Variants in SRGAP2 observed in about 807,000 individuals in gnomAD.
SRGAP2 encodes SLIT-ROBO Rho GTPase activating protein 2, also known as SLIT-ROBO Rho GTPase-activating protein 2.
In SRGAP2, 15 loss-of-function variants were observed where a neutral mutation model predicts 57.2. That is an observed-to-expected ratio of 0.26 (90% CI 0.18 to 0.40). The LOEUF (loss-of-function observed/expected upper bound fraction) is 0.40. Among genes scored for constraint, SRGAP2 ranks in the 10% least tolerant of loss-of-function variants. The pLI, the probability that SRGAP2 is intolerant of heterozygous loss-of-function variation, is 1.00. For synonymous variants in SRGAP2, 249 were observed against 248.0 expected (o/e 1.00, Z -0.04); for missense variants, 520 against 669.6 (o/e 0.78, Z 2.47).
At position 206,359,845 on chromosome 1, in the gene SRGAP2, C is replaced by T. The variant is rs1676761366; in HGVS notation, c.423+16837C>T. Among the ~76,000 whole-genome samples, 6 of 105,774 alleles carry T rather than the reference C, an allele frequency of 5.7e-5. No homozygotes were observed. In the South Asian group the frequency reaches 1.7e-3, roughly 30 times the overall value. The allele number at this position is 105,774 out of a possible 152,430, so 69.4% of individuals were successfully genotyped here. A position where few individuals can be genotyped will look rare whatever the true frequency, so the allele number is the denominator to read the frequency against. The stretch of plus-strand genomic sequence containing the variant: ...TTTTTGAGACGGAGTCTCGCTCTGT[C>T]GCCCAGGCTGGAGTGCAGTGGCGGG... On this transcript the variant is annotated intron_variant, in intron 4 of 22. Coordinates refer to ENST00000573034, the MANE Select transcript of SRGAP2 (RefSeq NM_015326.5).
intron 4 of SRGAP2, among the ~76,000 whole-genome samples, chr1:206,357,758 G>A (rs1337881713): frequency 6.8e-6 from 1 of 148,006 alleles, no homozygotes; most frequent in Non-Finnish European, 1.5e-5. Context: ...TAAGTTTTTT[G>A]TGTTTTTTTA....
Position 206,339,050 on chromosome 1 carries a change from A to G in SRGAP2, c.261-3796A>G, listed in dbSNP as rs1182024608. On this transcript the variant is annotated intron_variant, in intron 3 of 22. Coordinates refer to ENST00000573034, the MANE Select transcript of SRGAP2 (RefSeq NM_015326.5). ...GGTTTAGGTAGTCAGTCCAATATCAAGAAAATTCTGATTAGCATAGATAAG... is the reference window on the plus strand; with the variant it reads ...GGTTTAGGTAGTCAGTCCAATATCAGGAAAATTCTGATTAGCATAGATAAG... Among the ~76,000 whole-genome samples, 38 of 152,108 alleles carry G rather than the reference A, an allele frequency of 2.5e-4. 1 individual carries two copies. The highest frequency in any genetic ancestry group is 8.7e-4 in the African/African-American group (36 of 41,340).
intron 2 of SRGAP2, among the ~76,000 whole-genome samples, chr1:206,295,044 A>G (rs1671512402): frequency 7.0e-6 from 1 of 142,154 alleles, no homozygotes; most frequent in African/African-American, 2.7e-5. Context: ...CTCACCCTTC[A>G]TTTACTGAAA....
chr1:206,413,369 T>C (rs1253988472), intron 10 of SRGAP2, among the ~76,000 whole-genome samples: 3 of 152,108 alleles, frequency 2.0e-5, no homozygotes, highest in Non-Finnish European at 4.4e-5. Flanking sequence ...AATTAGGCAT[T>C]GGTTGGGGAT....
At chr1:206,435,762 C>T (rs1356834951) in intron 14 of SRGAP2, among the ~76,000 whole-genome samples, 1 of 152,194 alleles carries the variant, frequency 6.6e-6, no homozygotes, top group Non-Finnish European at 1.5e-5. Flanking sequence ...GAGATTGTTG[C>T]CAACCTTTAC....
chr1:206,339,862 T>C (rs1675051198), intron 3 of SRGAP2, among the ~76,000 whole-genome samples: 1 of 151,438 alleles, frequency 6.6e-6, no homozygotes. Context: ...TGATCTCAGC[T>C]CACTGCAACC....
chr1:206,450,477 T>G lies in SRGAP2; in HGVS notation c.2179+12T>G, dbSNP rs1663171327. The G allele has an allele frequency of 2.6e-6, 2 of 780,594 alleles. No individual in the cohort carries two copies. The highest frequency in any genetic ancestry group is 4.8e-6 in the Non-Finnish European group (2 of 417,932). 48.4% of individuals were successfully genotyped at this position (780,594 alleles called of 1,614,324 possible). A position where few individuals can be genotyped will look rare whatever the true frequency, so the allele number is the denominator to read the frequency against. On this transcript the variant is annotated intron_variant, in intron 19 of 22. Coordinates refer to ENST00000573034, the MANE Select transcript of SRGAP2 (RefSeq NM_015326.5). ...CACGAGCGATGACGGTACGAGGCCCTGCTTCCTGGTCAGTGGGGACGCCAG... is the reference window on the plus strand; with the variant it reads ...CACGAGCGATGACGGTACGAGGCCCGGCTTCCTGGTCAGTGGGGACGCCAG...
intron 13 of SRGAP2, among the ~76,000 whole-genome samples, chr1:206,427,642 G>A (rs9429893): frequency 0.62 from 94,075 of 151,990 alleles, 31,298 homozygotes; most frequent in African/African-American, 0.87. Context: ...GAGCCAGGGG[G>A]GGGATCCACG....
chr1:206,324,636 G>A (rs1673734333), intron 3 of SRGAP2, among the ~76,000 whole-genome samples: 1 of 152,164 alleles, frequency 6.6e-6, no homozygotes, highest in Non-Finnish European at 1.5e-5. Context: ...CCTGTAGACA[G>A]GGAGCGTGTT....
chr1:206,237,700 C>G (rs537654452), intron 2 of SRGAP2, among the ~76,000 whole-genome samples: 2 of 150,322 alleles, frequency 1.3e-5, no homozygotes, highest in South Asian at 4.2e-4. Flanking sequence ...AACAAGTATA[C>G]CTAGCGTGAA....
At chr1:206,437,937 C>G (rs1410904434) in intron 15 of SRGAP2, 27 bp from the exon 16 acceptor site, 2 of 780,036 alleles carry the variant, frequency 2.6e-6, no homozygotes, top group African/African-American at 3.4e-5. Flanking sequence ...ACTCTCTTTC[C>G]TTTTCGTGGG....
At chr1:206,409,675 A>G (rs1553358689) in intron 10 of SRGAP2, among the ~76,000 whole-genome samples, 1 of 151,704 alleles carries the variant, frequency 6.6e-6, no homozygotes, top group African/African-American at 2.4e-5. Context: ...CCAGCTACTC[A>G]GGAGGCTAAG....
chr1:206,458,944 T>C lies in SRGAP2; in HGVS notation c.2829T>C (p.Ala943=), dbSNP rs1664053848. ...GGCCCATGGACCCTGAGGTCATTGC[T>C]CAGGTAACTGTGGGCTCCTGGACAG... ...NHRPMDPEVI[A]QDIEATMNSA... is the part of the protein sequence containing the mutation. Residue 943 remains alanine, a synonymous_variant, in exon 22 of 23, where the codon GCT becomes GCC. Coordinates refer to ENST00000573034, the MANE Select transcript of SRGAP2 (RefSeq NM_015326.5). The C allele has an allele frequency of 1.3e-6, 1 of 765,610 alleles. No individual in the cohort carries two copies. Among genetic ancestry groups the C allele is most frequent in the Non-Finnish European group, 2.4e-6 (1 of 409,278 alleles). The allele number at this position is 765,610 out of a possible 1,614,324, so 47.4% of individuals were successfully genotyped here.
At chr1:206,429,892 AT>A (rs1293705703) in intron 13 of SRGAP2, among the ~76,000 whole-genome samples, 1 of 152,092 alleles carries the variant, frequency 6.6e-6, no homozygotes, top group Non-Finnish European at 1.5e-5. Flanking sequence ...ATATTAATTA[AT>A]TAGGTGGTGG....
chr1:206,368,000 C>T lies in SRGAP2; in HGVS notation c.424-16014C>T, dbSNP rs377189456. On this transcript the variant is annotated intron_variant, in intron 4 of 22. Transcript: ENST00000573034. Reference sequence around the variant, plus strand: ...ATGGCCACTTATTGGAAAGAGAATTCGAAGTCAGCGATTACTTCTTTCAAT... The same window carrying T: ...ATGGCCACTTATTGGAAAGAGAATTTGAAGTCAGCGATTACTTCTTTCAAT... Among the ~76,000 whole-genome samples, 1,422 of 152,120 alleles carry T rather than the reference C, an allele frequency of 9.3e-3. 7 individuals carry two copies. Among genetic ancestry groups the T allele is most frequent in the Middle Eastern group, 0.027 (8 of 294 alleles).
chr1:206,372,992 T>TC (rs1182823757), intron 4 of SRGAP2, among the ~76,000 whole-genome samples: 6 of 112,890 alleles, frequency 5.3e-5, no homozygotes, highest in African/African-American at 2.2e-4. Flanking sequence ...TTTCTTTCTT[T>TC]CTTTCTTTCT....
chr1:206,333,940 C>T (rs1315701180), intron 3 of SRGAP2, among the ~76,000 whole-genome samples: 3 of 152,136 alleles, frequency 2.0e-5, no homozygotes, highest in African/African-American at 7.2e-5. Context: ...TACCACTCAG[C>T]CCTTTAAAGT....
intron 10 of SRGAP2, among the ~76,000 whole-genome samples, chr1:206,410,223 G>A (rs1382681515): frequency 6.6e-6 from 1 of 152,228 alleles, no homozygotes; most frequent in Non-Finnish European, 1.5e-5. Flanking sequence ...TGTGGAAGAA[G>A]CAGAGGTGAA....
chr1:206,435,193 A>T (rs1661619632), intron 14 of SRGAP2, among the ~76,000 whole-genome samples: 1 of 152,198 alleles, frequency 6.6e-6, no homozygotes, highest in South Asian at 2.1e-4. Context: ...ATGTTGTTTC[A>T]GTTGGATTCA....
Sources: allele counts gnomAD v4.1 joint callset (sites outside exome capture counted in the v4.1 genomes callset), GRCh38; gene constraint gnomAD v4.1.1; transcripts MANE v1.5; gene names NCBI Gene and HGNC (gene_info 2026-07-23, HGNC 2026-07-21).